The following CACNA1H variants were observed in gnomAD, a reference collection of about 807,000 sequenced individuals.
The protein encoded by CACNA1H is voltage-dependent T-type calcium channel subunit alpha-1H.
Under a neutral mutation model 192.5 loss-of-function variants are expected in CACNA1H, and 149 were observed. That is an observed-to-expected ratio of 0.77 (90% CI 0.68 to 0.89). The LOEUF (loss-of-function observed/expected upper bound fraction) is 0.89. Among genes scored for constraint, CACNA1H ranks in the 40% least tolerant of loss-of-function variants. The pLI is 0.00. For missense variants in CACNA1H, 4,257 were observed against 3,423.5 expected, an observed-to-expected ratio of 1.24 and a Z score of -6.08; for synonymous variants, 2,202 against 1,475.2, an observed-to-expected ratio of 1.49 and a Z score of -11.29.
At chr16:1,155,362 C>T (rs962401299) in intron 2 of CACNA1H, among the ~76,000 whole-genome samples, 15 of 152,210 alleles carry the variant, frequency 9.9e-5, no homozygotes, top group African/African-American at 2.4e-4. Flanking sequence ...GGTGCAGGCC[C>T]GGCCTTGAAG....
intron 2 of CACNA1H, among the ~76,000 whole-genome samples, chr16:1,194,329 A>G (rs1216359086): frequency 2.0e-5 from 3 of 152,116 alleles, no homozygotes; most frequent in African/African-American, 4.8e-5. Flanking sequence ...GCCGGCTTCT[A>G]CCTTAAGGAA....
chr16:1,169,439 C>G (rs1259949249), intron 2 of CACNA1H, among the ~76,000 whole-genome samples: 1 of 152,202 alleles, frequency 6.6e-6, no homozygotes, highest in Non-Finnish European at 1.5e-5. Context: ...TCGCCTTGGT[C>G]CTCGCCAGCA....
intron 2 of CACNA1H, among the ~76,000 whole-genome samples, chr16:1,161,846 G>C (rs1963233139): frequency 6.6e-6 from 1 of 152,186 alleles, no homozygotes; most frequent in Non-Finnish European, 1.5e-5. Flanking sequence ...GGGTCCCCTT[G>C]CCGCAGCCTG....
In CACNA1H at chr16:1,201,930, G is replaced by A; in HGVS notation, c.1480G>A (p.Ala494Thr). ...CTGGCGCAAGAAGGTGGACCCCAGT[G>A]CTGTGCAAGGCCAGGGTCCCGGGCA... The part of the protein sequence containing the change: ...SRWRKKVDPS[A>T]VQGQGPGHRQ... The change falls in exon 9 of 35, where the codon GCT becomes ACT. Residue 494 changes from alanine to threonine, a missense_variant. Coordinates refer to ENST00000348261, the MANE Select transcript of CACNA1H (RefSeq NM_021098.3). 1 of 1,549,582 alleles carries A rather than the reference G, an allele frequency of 6.5e-7. No individual in the cohort carries two copies. Among genetic ancestry groups the A allele is most frequent in the Non-Finnish European group, 8.7e-7 (1 of 1,146,646 alleles).
rs1567539032 is a variant in CACNA1H at position 1,210,634 on chromosome 16, G to A, written c.4021G>A (p.Ala1341Thr). Residue 1341 changes from alanine (A) to threonine (T), a missense_variant, in exon 20 of 35, where the codon GCG (alanine) becomes ACG (threonine). By Grantham distance (58) the Ala-to-Thr change is moderately conservative. Transcript: ENST00000348261. ...SNYIFTAIFVAEMMVKVVALG... is the reference protein window; with the variant it reads ...SNYIFTAIFVTEMMVKVVALG... ...TTACATCTTCACGGCCATCTTCGTG[G>A]CGGAGATGATGGTGAAGGTACCGCG... The A allele has an allele frequency of 6.2e-7, 1 of 1,605,578 alleles. No individual in the cohort carries two copies. Among genetic ancestry groups the A allele is most frequent in the Non-Finnish European group, 8.5e-7 (1 of 1,179,738 alleles).
intron 2 of CACNA1H, among the ~76,000 whole-genome samples, chr16:1,189,866 G>A (rs1021100815): frequency 6.6e-6 from 1 of 152,154 alleles, no homozygotes; most frequent in Non-Finnish European, 1.5e-5. Flanking sequence ...GGTTTTCATC[G>A]TTACGAGCCC....
chr16:1,177,986 T>C (rs1596332739), intron 2 of CACNA1H, among the ~76,000 whole-genome samples: 2 of 139,368 alleles, frequency 1.4e-5, no homozygotes, highest in African/African-American at 2.7e-5. Flanking sequence ...CCGGGGTCTC[T>C]CCCGCCCCCT....
intron 2 of CACNA1H, among the ~76,000 whole-genome samples, chr16:1,179,869 G>A (rs1053061872): frequency 2.6e-5 from 4 of 151,622 alleles, no homozygotes; most frequent in Non-Finnish European, 5.9e-5. Flanking sequence ...CACGTAGCTG[G>A]GATTACAGGC....
At position 1,172,360 on chromosome 16, in the gene CACNA1H, C is replaced by G. The variant is rs143477250; in HGVS notation, c.299+18324C>G. 8.9e-3 allele frequency among the ~76,000 whole-genome samples: 1,348 copies of G among 152,304 alleles called. 12 individuals carry two copies. Among genetic ancestry groups the G allele is most frequent in the South Asian group, 9.7e-3 (47 of 4,830 alleles). ...CCATCCCCAATGTTCCAGGCTCTACCTGGGCCCCTCTCACGCCGTCCCTAG... is the reference window on the plus strand; with the variant it reads ...CCATCCCCAATGTTCCAGGCTCTACGTGGGCCCCTCTCACGCCGTCCCTAG... On this transcript the variant is annotated intron_variant, in intron 2 of 34. Coordinates refer to ENST00000348261, the MANE Select transcript of CACNA1H (RefSeq NM_021098.3).
chr16:1,201,530 G>A (rs943938257), intron 8 of CACNA1H, 133 bp from the exon 9 acceptor site: 1 of 1,104,906 alleles, frequency 9.1e-7, no homozygotes, highest in Non-Finnish European at 1.3e-6. Flanking sequence ...GCAGCAGCCT[G>A]CCCATAGCAG....
rs776039121 is a variant in CACNA1H at position 1,207,443 on chromosome 16, G to A, written c.3063+13G>A. ...CTTCCAGGCGGAGGTGAGGGGGCAGGGAGAGGGGCTGCCAGGAGGAGGGCG... is the reference window on the plus strand; with the variant it reads ...CTTCCAGGCGGAGGTGAGGGGGCAGAGAGAGGGGCTGCCAGGAGGAGGGCG... On this transcript the variant is annotated intron_variant, in intron 14 of 34. Coordinates refer to ENST00000348261, the MANE Select transcript of CACNA1H (RefSeq NM_021098.3). The A allele has an allele frequency of 1.2e-6, 2 of 1,611,822 alleles. No homozygotes were observed. The highest frequency in any genetic ancestry group is 1.1e-5 in the South Asian group (1 of 90,908).
intron 6 of CACNA1H, 158 bp downstream of exon 6, chr16:1,198,932 G>GCC: frequency 1.5e-6 from 1 of 679,726 alleles, no homozygotes; most frequent in Non-Finnish European, 2.5e-6. Flanking sequence ...CCACCATGCT[G>GCC]TCTCCCGCCC....
intron 2 of CACNA1H, among the ~76,000 whole-genome samples, chr16:1,166,660 G>A (rs964347972): frequency 6.6e-6 from 1 of 152,100 alleles, no homozygotes; most frequent in African/African-American, 2.4e-5. Context: ...AGGTTGGCCT[G>A]TTCTGGACGT....
chr16:1,205,273 C>A lies in CACNA1H; in HGVS notation c.2603+8C>A. The A allele has an allele frequency of 1.9e-6, 3 of 1,592,292 alleles. No homozygotes were observed. Among genetic ancestry groups the A allele is most frequent in the Non-Finnish European group, 2.6e-6 (3 of 1,164,456 alleles). ...CATCATCGTGGTCATCAGGTGGGTC[C>A]CCACCCTCTCCCCAGGAAGAGGGGC... On this transcript the variant is annotated splice_region_variant and intron_variant, in intron 11 of 34. Coordinates refer to ENST00000348261, the MANE Select transcript of CACNA1H (RefSeq NM_021098.3).
At position 1,195,434 on chromosome 16, in the gene CACNA1H, C is replaced by G. The variant is rs776160539; in HGVS notation, c.414C>G (p.Ala138=). ...CCTCCTGATGCCTCCTCCCGCAGGC[C>G]TTTGACGCCTTCATTTTCGCCTTTT... ...CGSERCNILE[A]FDAFIFAFFA... Residue 138 remains alanine (A), a splice_region_variant and synonymous_variant, in exon 4 of 35, where the codon GCC becomes GCG. Coordinates refer to ENST00000348261, the MANE Select transcript of CACNA1H (RefSeq NM_021098.3). 6 of 1,552,824 alleles carry G rather than the reference C, an allele frequency of 3.9e-6. No homozygotes were observed. The highest frequency in any genetic ancestry group is 4.4e-6 in the Non-Finnish European group (5 of 1,147,674).
chr16:1,209,274 G>C lies in CACNA1H; in HGVS notation c.3606G>C (p.Arg1202=). 8 of 1,555,450 alleles carry C rather than the reference G, an allele frequency of 5.1e-6. No individual in the cohort carries two copies. The highest frequency in any genetic ancestry group is 8.7e-7 in the Non-Finnish European group (1 of 1,155,706). Reference sequence around the variant, plus strand: ...GGCGGGCCGAGTCCCTGGACCCACGGCCCCTGCGGCCGGCCGCCCTCCCGC... The same window carrying C: ...GGCGGGCCGAGTCCCTGGACCCACGCCCCCTGCGGCCGGCCGCCCTCCCGC... ...PLRRAESLDP[R]PLRPAALPPT... is the part of the protein sequence containing the mutation. The change falls in exon 17 of 35, where the codon CGG becomes CGC. Residue 1202 remains arginine (R), a synonymous_variant. Coordinates refer to ENST00000348261, the MANE Select transcript of CACNA1H (RefSeq NM_021098.3).
Position 1,220,000 on chromosome 16 carries a change from C to G in CACNA1H, c.6068C>G (p.Ser2023Cys), listed in dbSNP as rs985763287. Residue 2023 changes from serine to cysteine, a missense_variant, in exon 35 of 35, where the codon TCC becomes TGC. By Grantham distance (112) the Ser-to-Cys change is moderately radical (BLOSUM62 -1). Coordinates refer to ENST00000348261, the MANE Select transcript of CACNA1H (RefSeq NM_021098.3). ...LCRQEAVHTDSLEGKIDSPRD... is the reference protein window; with the variant it reads ...LCRQEAVHTDCLEGKIDSPRD... ...CCACAGGAGGCTGTGCACACCGATT[C>G]CTTGGAAGGGAAGATTGACAGCCCT... The G allele has an allele frequency of 2.2e-6, 3 of 1,349,012 alleles. No individual in the cohort carries two copies. Among genetic ancestry groups the G allele is most frequent in the Admixed American group, 3.4e-5 (1 of 29,674 alleles). 83.6% of individuals were successfully genotyped at this position (1,349,012 alleles called of 1,614,324 possible).
chr16:1,195,512 G>T lies in CACNA1H; in HGVS notation c.492G>T (p.Lys164Asn), dbSNP rs774987924. 9 of 1,603,186 alleles carry T rather than the reference G, an allele frequency of 5.6e-6. No individual in the cohort carries two copies. The Admixed American group carries it at 1.2e-4, about 21-fold the overall frequency. ...KMVALGLFGQ[K>N]CYLGDTWNRL... The stretch of plus-strand genomic sequence containing the variant: ...TGGCCTTGGGGCTGTTCGGGCAGAA[G>T]TGTTACCTGGGTGACACGTGGAACA... The change falls in exon 4 of 35, where the codon AAG (lysine) becomes AAT (asparagine). Residue 164 changes from lysine to asparagine, a missense_variant. Coordinates refer to ENST00000348261, the MANE Select transcript of CACNA1H (RefSeq NM_021098.3).
intron 2 of CACNA1H, among the ~76,000 whole-genome samples, chr16:1,194,743 G>A (rs2141190345): frequency 6.6e-6 from 1 of 152,314 alleles, no homozygotes; most frequent in South Asian, 2.1e-4. Flanking sequence ...CAGGGGGCCG[G>A]GCCTGGGACC....
Sources: allele counts gnomAD v4.1 joint callset (sites outside exome capture counted in the v4.1 genomes callset), GRCh38; gene constraint gnomAD v4.1.1; transcripts MANE v1.5; gene names NCBI Gene and HGNC (gene_info 2026-07-23, HGNC 2026-07-21).